The following MGRN1 variants were observed in gnomAD, a reference collection of about 807,000 sequenced individuals.
MGRN1 encodes the protein mahogunin ring finger 1, also known as E3 ubiquitin-protein ligase MGRN1.
Under a neutral mutation model 69.2 loss-of-function variants are expected in MGRN1, and 29 were observed. The ratio of observed to expected loss-of-function variants is 0.42; its 90% CI spans 0.31 to 0.57. MGRN1 has a LOEUF of 0.57. Among genes scored for constraint, MGRN1 ranks in the 20% least tolerant of loss-of-function variants. The pLI, the probability that MGRN1 is intolerant of heterozygous loss-of-function variation, is 0.15. For missense variants in MGRN1, 998 were observed against 796.2 expected, an observed-to-expected ratio of 1.25 and a Z score of -3.05; for synonymous variants, 470 against 344.2, an observed-to-expected ratio of 1.37 and a Z score of -4.04.
chr16:4,646,159 G>A (rs557863043), intron 1 of MGRN1, among the ~76,000 whole-genome samples: 5 of 152,234 alleles, frequency 3.3e-5, no homozygotes, highest in African/African-American at 7.2e-5. Context: ...GCTGTGTCAC[G>A]GTGGCTCACG....
At chr16:4,662,446 G>T (rs1163159970) in intron 5 of MGRN1, among the ~76,000 whole-genome samples, 4 of 151,746 alleles carry the variant, frequency 2.6e-5, no homozygotes. Context: ...AACCCAGGGG[G>T]TGGAGGTTGC....
At chr16:4,642,548 A>G (rs1417141062) in intron 1 of MGRN1, among the ~76,000 whole-genome samples, 1 of 148,762 alleles carries the variant, frequency 6.7e-6, no homozygotes, top group Non-Finnish European at 1.5e-5. Flanking sequence ...CTGGTCTTAA[A>G]CTCCTGACCT....
rs763398541 is a variant in MGRN1 at position 4,677,530 on chromosome 16, C to A, written c.1023C>A (p.Phe341Leu). Residue 341 changes from phenylalanine to leucine, a missense_variant, in exon 11 of 17, where the codon TTC becomes TTA. Coordinates refer to ENST00000262370, the MANE Select transcript of MGRN1 (RefSeq NM_015246.4). ...KKPGALSPVS[F>L]SPVLAQSLEH... is the part of the protein sequence containing the mutation. Reference sequence around the variant, plus strand: ...CAGGAGCCCTGTCCCCCGTGTCCTTCAGCCCCGTCCTGGCCCAGAGCCTGG... The same window carrying A: ...CAGGAGCCCTGTCCCCCGTGTCCTTAAGCCCCGTCCTGGCCCAGAGCCTGG... 2 of 1,599,262 alleles carry A rather than the reference C, an allele frequency of 1.3e-6. No homozygotes were observed. The highest frequency in any genetic ancestry group is 2.2e-5 in the South Asian group (2 of 91,016).
At position 4,624,889 on chromosome 16, in the gene MGRN1, C is replaced by A; in HGVS notation, c.-72C>A. Reference sequence around the variant, plus strand: ...CGTGCGGCCTGGTCCGGGCCATGTCCGCGTGAGGACCCCGCCGCTGTCGCC... The same window carrying A: ...CGTGCGGCCTGGTCCGGGCCATGTCAGCGTGAGGACCCCGCCGCTGTCGCC... On this transcript the variant is annotated 5_prime_UTR_variant, in exon 1 of 17. Coordinates refer to ENST00000262370, the MANE Select transcript of MGRN1 (RefSeq NM_015246.4). The A allele has an allele frequency of 5.2e-6, 7 of 1,351,494 alleles. No homozygotes were observed. Among genetic ancestry groups the A allele is most frequent in the Non-Finnish European group, 7.0e-6 (7 of 1,004,182 alleles). 83.7% of individuals were successfully genotyped at this position (1,351,494 alleles called of 1,614,324 possible). A position where few individuals can be genotyped will look rare whatever the true frequency, so the allele number is the denominator to read the frequency against.
At chr16:4,643,488 GC>G (rs1346336206) in intron 1 of MGRN1, among the ~76,000 whole-genome samples, 2 of 143,838 alleles carry the variant, frequency 1.4e-5, no homozygotes, top group Non-Finnish European at 3.0e-5. Context: ...TCCTGCCTCA[GC>G]CCCTCCCAAG....
intron 9 of MGRN1, chr16:4,672,517 G>A (rs983399509): frequency 6.6e-6 from 3 of 454,588 alleles, no homozygotes; most frequent in African/African-American, 2.0e-5. Context: ...ACCCAGGGAA[G>A]TCAGTGCATT....
intron 5 of MGRN1, chr16:4,659,160 TA>T (rs112878682): frequency 0.49 from 73,738 of 150,110 alleles, 18,255 homozygotes; most frequent in East Asian, 0.63. Context: ...CTTAGGAAGG[TA>T]AAAAAAAAAT....
intron 7 of MGRN1, among the ~76,000 whole-genome samples, 175 bp from the exon 8 acceptor site, chr16:4,668,090 A>T (rs2078845441): frequency 6.6e-6 from 1 of 151,014 alleles, no homozygotes; most frequent in Non-Finnish European, 1.5e-5. Context: ...TGTTTTCAGA[A>T]ATCCCGGCTC....
chr16:4,681,594 C>T lies in MGRN1; in HGVS notation c.1176C>T (p.Leu392=), dbSNP rs780210621. The change falls in exon 13 of 17, where the codon CTC becomes CTT. Residue 392 remains leucine (L), a synonymous_variant. Coordinates refer to ENST00000262370, the MANE Select transcript of MGRN1 (RefSeq NM_015246.4). ...CTGGCTACGAGCCCATCTCGCTGCT[C>T]GAGGCGCTCAACGGCCTCCGGGCTG... ...VPPGYEPISL[L]EALNGLRAVS... The T allele has an allele frequency of 1.7e-5, 27 of 1,613,436 alleles. No individual in the cohort carries two copies. Among genetic ancestry groups the T allele is most frequent in the Admixed American group, 1.7e-4 (10 of 60,010 alleles).
chr16:4,626,719 A>G (rs56918422), intron 1 of MGRN1, among the ~76,000 whole-genome samples: 5,915 of 152,294 alleles, frequency 0.039, 365 homozygotes, highest in African/African-American at 0.13. Context: ...CATACATGTC[A>G]TTTACAGCCC....
intron 1 of MGRN1, 25 bp downstream of exon 1, chr16:4,625,073 A>G: frequency 1.3e-6 from 2 of 1,512,316 alleles, no homozygotes; most frequent in Non-Finnish European, 1.8e-6. Context: ...CCAGGCGCGG[A>G]CTGCTAGGCA....
In MGRN1 at chr16:4,689,130, C is replaced by A; in HGVS notation, c.*222C>A. On this transcript the variant is annotated 3_prime_UTR_variant, in exon 17 of 17. Transcript: ENST00000262370. ...TTTGTAACTGGTACAAGATGAAGGA[C>A]AGCAGCTTTCCATCCCTAGTTCAGA... 1.7e-6 allele frequency: 1 copy of A among 584,110 alleles called. No individual in the cohort carries two copies. Among genetic ancestry groups the A allele is most frequent in the Non-Finnish European group, 2.7e-6 (1 of 367,764 alleles). 36.2% of individuals were successfully genotyped at this position (584,110 alleles called of 1,614,324 possible).
At chr16:4,683,086 T>C in intron 14 of MGRN1, 138 bp from the exon 15 acceptor site, 2 of 1,495,382 alleles carry the variant, frequency 1.3e-6, no homozygotes, top group Non-Finnish European at 1.8e-6. Flanking sequence ...CGCGGCTCCT[T>C]AGCCTCGGTC....
At chr16:4,677,746 G>T (rs1345552302) in intron 11 of MGRN1, among the ~76,000 whole-genome samples, 174 bp downstream of exon 11, 1 of 152,184 alleles carries the variant, frequency 6.6e-6, no homozygotes, top group Non-Finnish European at 1.5e-5. Context: ...CTGGGCCCTG[G>T]GGTGCCGCTG....
chr16:4,647,675 T>G (rs187193387), intron 1 of MGRN1, among the ~76,000 whole-genome samples: 2 of 152,370 alleles, frequency 1.3e-5, no homozygotes, highest in East Asian at 3.9e-4. Context: ...GCAAATACTC[T>G]GTGACTCGCT....
Position 4,652,015 on chromosome 16 carries a change from T to A in MGRN1, c.260T>A (p.Leu87Gln). 1 of 1,614,040 alleles carries A rather than the reference T, an allele frequency of 6.2e-7. No homozygotes were observed. The highest frequency in any genetic ancestry group is 8.5e-7 in the Non-Finnish European group (1 of 1,179,940). ...GAGCCCGTGAAGACGCTGCGGAGCC[T>A]GGTGAACATCCGCAAAGACTCCCTG... ...PHEPVKTLRS[L>Q]VNIRKDSLRL... Residue 87 changes from leucine to glutamine, a missense_variant, in exon 3 of 17, where the codon CTG becomes CAG. Coordinates refer to ENST00000262370, the MANE Select transcript of MGRN1 (RefSeq NM_015246.4).
chr16:4,659,013 G>A (rs2078616389), intron 5 of MGRN1: 1 of 152,096 alleles, frequency 6.6e-6, no homozygotes, highest in South Asian at 2.1e-4. Flanking sequence ...AAGACTACCT[G>A]GGAGTGGGGG....
At chr16:4,630,992 G>A (rs868506167) in intron 1 of MGRN1, among the ~76,000 whole-genome samples, 1 of 151,490 alleles carries the variant, frequency 6.6e-6, no homozygotes, top group African/African-American at 2.4e-5. Context: ...CAAAGTTTTT[G>A]TATTTTTTTT....
intron 5 of MGRN1, among the ~76,000 whole-genome samples, chr16:4,658,631 A>T (rs973616713): frequency 1.2e-4 from 18 of 151,870 alleles, no homozygotes; most frequent in Admixed American, 3.9e-4. Flanking sequence ...TCATGAGCTG[A>T]CTTACGCTGG....
Sources: gnomAD v4.1 joint callset for allele counts (sites outside exome capture counted in the v4.1 genomes callset) on GRCh38, gnomAD v4.1.1 for gene constraint, MANE v1.5 for transcripts, NCBI Gene and HGNC (gene_info 2026-07-23, HGNC 2026-07-21) for gene names.